Variants in SEMA4D observed in about 807,000 individuals in gnomAD.
The protein encoded by SEMA4D is semaphorin-4D.
A neutral mutation model predicts 74.8 loss-of-function variants in SEMA4D; 22 were observed. The observed-to-expected ratio is 0.29, with a 90% CI of 0.21 to 0.42. The LOEUF (loss-of-function observed/expected upper bound fraction) is 0.42, where lower values mean the gene tolerates loss of function less well. Among genes scored for constraint, SEMA4D ranks in the 10% least tolerant of loss-of-function variants. The pLI, the probability that SEMA4D is intolerant of heterozygous loss-of-function variation, is 1.00. For missense variants in SEMA4D, 937 were observed against 1,118.4 expected (o/e 0.84, Z 2.31); for synonymous variants, 445 against 463.7 (o/e 0.96, Z 0.52).
At position 89,365,926 on chromosome 9, in the gene SEMA4D, C is replaced by T. The variant is rs140180104; in HGVS notation, c.1883-1976G>A. On this transcript the variant is annotated intron_variant, in intron 16 of 18. Transcript: ENST00000339861. ...ACTGTGGCATCTGCTCATCTTTGTC[C>T]GGTCTCTTGGTCAACAATTCCCCAC... Among the ~76,000 whole-genome samples the T allele has an allele frequency of 5.9e-5, 9 of 152,276 alleles. No homozygotes were observed. In the East Asian group the frequency reaches 1.3e-3, roughly 23 times the overall value.
At chr9:89,427,246 C>A (rs1385938828) in intron 2 of SEMA4D, among the ~76,000 whole-genome samples, 2 of 152,188 alleles carry the variant, frequency 1.3e-5, no homozygotes, top group Non-Finnish European at 2.9e-5. Context: ...TCCCTCAATT[C>A]CCTTCCTGGG....
chr9:89,445,858 C>A (rs2135264740), intron 2 of SEMA4D, among the ~76,000 whole-genome samples: 1 of 152,296 alleles, frequency 6.6e-6, no homozygotes, highest in South Asian at 2.1e-4. Context: ...CAGGCGGGTT[C>A]CCTACCCATG....
Position 89,449,582 on chromosome 9 carries a change from G to A in SEMA4D, c.-244+6306C>T, listed in dbSNP as rs1265608218. ...GATGTCAGGCAAAGACGAGCAGCAGGAGCAAACTATCGCCGAGGACCTGGT... is the reference window on the plus strand; with the variant it reads ...GATGTCAGGCAAAGACGAGCAGCAGAAGCAAACTATCGCCGAGGACCTGGT... On this transcript the variant is annotated intron_variant, in intron 2 of 15. Transcript: ENST00000422704. 4.6e-6 allele frequency: 4 copies of A among 860,268 alleles called. No individual in the cohort carries two copies. The African/African-American group carries it at 6.6e-5, about 14-fold the overall frequency. The allele number at this position is 860,268 out of a possible 1,614,324, so 53.3% of individuals were successfully genotyped here. A position where few individuals can be genotyped will look rare whatever the true frequency, so the allele number is the denominator to read the frequency against.
At chr9:89,391,607 TG>T (rs760594780) in intron 8 of SEMA4D, among the ~76,000 whole-genome samples, 192 bp from the exon 9 acceptor site, 1 of 152,158 alleles carries the variant, frequency 6.6e-6, no homozygotes, top group Non-Finnish European at 1.5e-5. Context: ...TGAGCCCAGA[TG>T]GTGCCCTACC....
chr9:89,385,223 T>C, intron 13 of SEMA4D: 3 of 974,822 alleles, frequency 3.1e-6, no homozygotes, highest in Non-Finnish European at 3.7e-6. Context: ...CCTGGAAGCC[T>C]CCACCAGCCT....
downstream of SEMA4D, among the ~76,000 whole-genome samples, chr9:89,374,132 C>T (rs892641643): frequency 6.6e-6 from 1 of 152,218 alleles, no homozygotes; most frequent in African/African-American, 2.4e-5. Context: ...GGCCAAATGC[C>T]TCTGGAGAGA....
At chr9:89,461,085 T>G (rs1857090901) in intron 1 of SEMA4D, among the ~76,000 whole-genome samples, 1 of 152,054 alleles carries the variant, frequency 6.6e-6, no homozygotes, top group Non-Finnish European at 1.5e-5. Context: ...CACTGCAAAC[T>G]GCAACTGAAC....
At chr9:89,376,814 CAG>C (rs1226240264), downstream of SEMA4D, 3 of 1,541,796 alleles carry the variant, frequency 1.9e-6, no homozygotes, top group Admixed American at 3.9e-5. Context: ...GCACAGGGGA[CAG>C]AGAGGGCCCA....
At chr9:89,383,275 C>T in intron 13 of SEMA4D, among the ~76,000 whole-genome samples, 1 of 152,142 alleles carries the variant, frequency 6.6e-6, no homozygotes, top group Non-Finnish European at 1.5e-5. Context: ...CACTCTCCCC[C>T]ACCCCCAGTG....
intron 1 of SEMA4D, among the ~76,000 whole-genome samples, chr9:89,490,077 A>C (rs1825508844): frequency 6.6e-6 from 1 of 150,640 alleles, no homozygotes; most frequent in Admixed American, 6.6e-5. Flanking sequence ...ATGGTATCTC[A>C]CTGTGGCTTT....
rs991654357 is a variant in SEMA4D, at chr9:89,430,558, T to C, written c.-243-24859A>G. ...TGGGGAGGGGGAAACTGGCCTCTGA[T>C]GTCTACAGAGTCTAACAGGTGTATT... is the stretch of plus-strand genomic sequence containing the variant. On this transcript the variant is annotated intron_variant, in intron 2 of 15. Coordinates refer to ENST00000422704, the MANE Select transcript of SEMA4D (RefSeq NM_001371194.2). Among the ~76,000 whole-genome samples the C allele has an allele frequency of 1.3e-4, 20 of 152,332 alleles. 1 individual carries two copies. In the South Asian group the frequency reaches 3.9e-3, roughly 30 times the overall value.
In SEMA4D at chr9:89,386,408, C is replaced by T. The variant is rs1838511977; in HGVS notation, c.1405G>A (p.Asp469Asn). 1 of 1,614,090 alleles carries T rather than the reference C, an allele frequency of 6.2e-7. No homozygotes were observed. The highest frequency in any genetic ancestry group is 1.1e-5 in the South Asian group (1 of 91,074). Residue 469 changes from aspartate (D) to asparagine (N), a missense_variant, in exon 13 of 16, where the codon GAC (aspartate) becomes AAC (asparagine). Transcript: ENST00000422704. ...AGCAGGGTCTGGACTGGCTCAAAGT[C>T]CTGGAAGAGCTGGGTCTCCTCGATG... ...HIIEETQLFQDFEPVQTLLLS... is the reference protein window; with the variant it reads ...HIIEETQLFQNFEPVQTLLLS...
chr9:89,363,375 G>A, intron 18 of SEMA4D: 1 of 1,598,610 alleles, frequency 6.3e-7, no homozygotes. Context: ...GGATGTGGCA[G>A]GTGCCCTGCC....
At chr9:89,440,468 C>T (rs77025366) in intron 2 of SEMA4D, among the ~76,000 whole-genome samples, 313 of 151,630 alleles carry the variant, frequency 2.1e-3, no homozygotes, top group African/African-American at 7.3e-3. Flanking sequence ...ATCCACCTCC[C>T]ACCCGCACCC....
intron 1 of SEMA4D, among the ~76,000 whole-genome samples, chr9:89,494,133 A>G (rs978694997): frequency 2.6e-5 from 4 of 152,214 alleles, no homozygotes; most frequent in Non-Finnish European, 5.9e-5. Flanking sequence ...ACTTCCACAA[A>G]TCAAATTCTA....
downstream of SEMA4D, chr9:89,376,921 C>A (rs1273757302): frequency 6.4e-7 from 1 of 1,550,820 alleles, no homozygotes; most frequent in African/African-American, 1.4e-5. Flanking sequence ...AGGAGACCCT[C>A]GAGCTGCTGT....
chr9:89,444,396 G>C (rs1346259643), intron 2 of SEMA4D, among the ~76,000 whole-genome samples: 1 of 152,162 alleles, frequency 6.6e-6, no homozygotes, highest in African/African-American at 2.4e-5. Flanking sequence ...AGCACATGAG[G>C]GGACTCCTCC....
At chr9:89,368,368 G>C (rs940601520) in intron 16 of SEMA4D, 2 of 153,238 alleles carry the variant, frequency 1.3e-5, no homozygotes, top group Non-Finnish European at 2.9e-5. Flanking sequence ...GCCTCACCCG[G>C]ACACCTGCTC....
intron 2 of SEMA4D, among the ~76,000 whole-genome samples, chr9:89,406,480 CT>C (rs1843350041): frequency 6.6e-6 from 1 of 152,228 alleles, no homozygotes; most frequent in South Asian, 2.1e-4. Flanking sequence ...CTGGCCCCAT[CT>C]CTCATGTCCC....
Sources: allele counts gnomAD v4.1 joint callset (sites outside exome capture counted in the v4.1 genomes callset), GRCh38; gene constraint gnomAD v4.1.1; transcripts MANE v1.5; gene names NCBI Gene and HGNC (gene_info 2026-07-23, HGNC 2026-07-21).